Variants in QKI observed in about 807,000 individuals in gnomAD.
The protein encoded by QKI is QKI, KH domain containing RNA binding, also known as KH domain-containing RNA-binding protein QKI.
Under a neutral mutation model 39.0 loss-of-function variants are expected in QKI, and 10 were observed. The observed-to-expected ratio is 0.26, with a 90% CI of 0.16 to 0.43. The LOEUF (loss-of-function observed/expected upper bound fraction) is 0.43, where lower values mean the gene tolerates loss of function less well. QKI is among the 20% of genes least tolerant of loss of function. QKI has a pLI of 1.00. For missense variants in QKI, 218 were observed against 428.0 expected, an observed-to-expected ratio of 0.51 and a Z score of 4.33; for synonymous variants, 204 against 155.4, an observed-to-expected ratio of 1.31 and a Z score of -2.33.
chr6:163,491,009 T>C (rs1388966626), intron 3 of QKI, among the ~76,000 whole-genome samples: 1 of 152,188 alleles, frequency 6.6e-6, no homozygotes, highest in Non-Finnish European at 1.5e-5. Context: ...AGCTAAAAGT[T>C]TATTGCCTAG....
At chr6:163,517,081 T>C (rs12194797) in intron 3 of QKI, among the ~76,000 whole-genome samples, 2,075 of 97,568 alleles carry the variant, frequency 0.021, 37 homozygotes, top group African/African-American at 0.048. Context: ...CTCTCTCTCT[T>C]TCTCTCTCTC....
At position 163,563,727 on chromosome 6, in the gene QKI, CT is replaced by C; in HGVS notation, c.934+10del. ...AACCTAGTGGTGTATTAGGTAAGTT[CT>C]TCTCCCCATGGGGTTAACAACATTC... is the stretch of plus-strand genomic sequence containing the variant. On this transcript the variant is annotated intron_variant, in intron 6 of 7. Coordinates refer to ENST00000361752, the MANE Select transcript of QKI (RefSeq NM_006775.3). 1 of 1,609,678 alleles carries C rather than the reference CT, an allele frequency of 6.2e-7. No homozygotes were observed. The highest frequency in any genetic ancestry group is 8.5e-7 in the Non-Finnish European group (1 of 1,177,110).
intron 1 of QKI, among the ~76,000 whole-genome samples, chr6:163,452,329 A>AAAAGG (rs1562447671): frequency 6.6e-6 from 1 of 152,128 alleles, no homozygotes; most frequent in African/African-American, 2.4e-5. Flanking sequence ...CATTCCCATC[A>AAAAGG]TTACTATCTT....
intron 3 of QKI, among the ~76,000 whole-genome samples, chr6:163,488,992 A>C (rs1436886806): frequency 1.1e-5 from 1 of 92,762 alleles, no homozygotes. Flanking sequence ...TTTTTTTTTA[A>C]ACATAAACAG....
intron 4 of QKI, among the ~76,000 whole-genome samples, chr6:163,543,023 A>G (rs535067282): frequency 4.6e-5 from 7 of 152,160 alleles, no homozygotes; most frequent in African/African-American, 9.6e-5. Flanking sequence ...GTGTTCCCCA[A>G]AGGTTCTTTT....
intron 7 of QKI, chr6:163,567,654 T>G: frequency 1.0e-6 from 1 of 985,108 alleles, no homozygotes; most frequent in African/African-American, 1.7e-5. Context: ...GGAATGGTAT[T>G]TTCGGTTTAT....
intron 1 of QKI, among the ~76,000 whole-genome samples, chr6:163,438,323 A>G (rs1325725511): frequency 6.6e-6 from 1 of 152,154 alleles, no homozygotes; most frequent in African/African-American, 2.4e-5. Context: ...TTATAATGAC[A>G]TTGATGACCA....
chr6:163,569,374 A>C (rs1783567977), intron 7 of QKI: 3 of 1,239,240 alleles, frequency 2.4e-6, no homozygotes, highest in Admixed American at 5.7e-5. Flanking sequence ...GCTTTGATTT[A>C]TGAAGTGGCA....
At chr6:163,524,813 A>G (rs975752843) in intron 3 of QKI, among the ~76,000 whole-genome samples, 1 of 152,134 alleles carries the variant, frequency 6.6e-6, no homozygotes. Context: ...TAGCCTGTCC[A>G]TACCATATTT....
At chr6:163,537,062 G>T (rs1781251630) in intron 4 of QKI, among the ~76,000 whole-genome samples, 1 of 152,112 alleles carries the variant, frequency 6.6e-6, no homozygotes, top group Admixed American at 6.5e-5. Context: ...TTAAAAAGTA[G>T]CTGGGCCTGG....
At position 163,525,247 on chromosome 6, in the gene QKI, T is replaced by A. The variant is rs146635638; in HGVS notation, c.403-9735T>A. Among the ~76,000 whole-genome samples, 20 of 147,708 alleles carry A rather than the reference T, an allele frequency of 1.4e-4. No homozygotes were observed. The East Asian group carries it at 4.1e-3, about 30-fold the overall frequency. ...TGCTTGAGACAGGCTATATCTGGAT[T>A]TTTCAAAACATCTTGTTTCCTTTTT... On this transcript the variant is annotated intron_variant, in intron 3 of 7. Coordinates refer to ENST00000361752, the MANE Select transcript of QKI (RefSeq NM_006775.3).
Position 163,535,142 on chromosome 6 carries a change from A to G in QKI, c.546+17A>G. 1.3e-6 allele frequency: 2 copies of G among 1,567,424 alleles called. No homozygotes were observed. The highest frequency in any genetic ancestry group is 1.9e-5 in the Admixed American group (1 of 52,442). On this transcript the variant is annotated intron_variant, in intron 4 of 7. Coordinates refer to ENST00000361752, the MANE Select transcript of QKI (RefSeq NM_006775.3). ...GTACCTGCAGTAAGTAATAATTTCC[A>G]GACCTTAGATTTGGGCCTCGTCCTT...
chr6:163,415,448 G>C, intron 1 of QKI, 113 bp downstream of exon 1: 1 of 1,057,324 alleles, frequency 9.5e-7, no homozygotes, highest in Non-Finnish European at 1.3e-6. Flanking sequence ...ACCGAGCGCC[G>C]GGGGGACTGG....
At chr6:163,506,780 A>C (rs1349644756) in intron 3 of QKI, among the ~76,000 whole-genome samples, 1 of 152,122 alleles carries the variant, frequency 6.6e-6, no homozygotes, top group Non-Finnish European at 1.5e-5. Flanking sequence ...TATTTGAGTT[A>C]ATTGCTAGAA....
intron 3 of QKI, among the ~76,000 whole-genome samples, chr6:163,497,402 A>G (rs1778478494): frequency 6.6e-6 from 1 of 152,088 alleles, no homozygotes; most frequent in Non-Finnish European, 1.5e-5. Context: ...TAATAATTGT[A>G]TAGTTTACTT....
Position 163,517,439 on chromosome 6 carries a change from C to T in QKI, c.403-17543C>T, listed in dbSNP as rs1583147092. Among the ~76,000 whole-genome samples the T allele has an allele frequency of 2.0e-5, 3 of 151,152 alleles. No individual in the cohort carries two copies. The South Asian group carries it at 6.5e-4, about 33-fold the overall frequency. On this transcript the variant is annotated intron_variant, in intron 3 of 7. Coordinates refer to ENST00000361752, the MANE Select transcript of QKI (RefSeq NM_006775.3). ...TTTGTTTTGGTTTTGGTTTTTGACA[C>T]AGTCTCTAGCTCTTTTGGCTCAGGC...
chr6:163,566,123 A>G, intron 6 of QKI: 1 of 1,434,414 alleles, frequency 7.0e-7, no homozygotes, highest in Non-Finnish European at 9.2e-7. Flanking sequence ...TTATGTTATT[A>G]ATTTGGTTTA....
At chr6:163,565,301 G>C (rs1783291750) in intron 6 of QKI, 1 of 986,318 alleles carries the variant, frequency 1.0e-6, no homozygotes, top group South Asian at 4.7e-5. Flanking sequence ...TGCACCCACA[G>C]CATCTGTTCC....
chr6:163,523,013 A>G (rs1294891045), intron 3 of QKI, among the ~76,000 whole-genome samples: 2 of 152,302 alleles, frequency 1.3e-5, no homozygotes, highest in East Asian at 1.9e-4. Flanking sequence ...GTAATGAGCT[A>G]TGTGCTGTTG....
Sources: gnomAD v4.1 joint callset for allele counts (sites outside exome capture counted in the v4.1 genomes callset) on GRCh38, gnomAD v4.1.1 for gene constraint, MANE v1.5 for transcripts, NCBI Gene and HGNC (gene_info 2026-07-23, HGNC 2026-07-21) for gene names.